The following PMM2 variants were observed in gnomAD, a reference collection of about 807,000 sequenced individuals.
The protein encoded by PMM2 is phosphomannomutase 2.
Under a neutral mutation model 33.2 loss-of-function variants are expected in PMM2, and 35 were observed. The ratio of observed to expected loss-of-function variants is 1.06; its 90% CI spans 0.81 to 1.40. The LOEUF (loss-of-function observed/expected upper bound fraction) is 1.40. Ranked by LOEUF, PMM2 falls within the 40% of genes most tolerant of loss-of-function variation. PMM2 has a pLI of 0.00. For missense variants in PMM2, 386 were observed against 306.0 expected (o/e 1.26, Z -1.95); for synonymous variants, 153 against 114.7 (o/e 1.33, Z -2.13).
intron 7 of PMM2, among the ~76,000 whole-genome samples, chr16:8,841,006 A>C (rs1258246124): frequency 6.6e-6 from 1 of 152,064 alleles, no homozygotes; most frequent in Non-Finnish European, 1.5e-5. Context: ...TCCATATAAA[A>C]GTTCAAATGG....
chr16:8,819,404 CTGAA>C (rs1164247746), intron 7 of PMM2, among the ~76,000 whole-genome samples: 2 of 152,130 alleles, frequency 1.3e-5, no homozygotes, highest in Non-Finnish European at 2.9e-5. Context: ...TAAAAGGAGT[CTGAA>C]TGGATGAAAT....
chr16:8,804,743 G>A (rs1326648225), intron 2 of PMM2, 24 bp from the exon 3 acceptor site: 7 of 1,538,724 alleles, frequency 4.5e-6, no homozygotes, highest in Non-Finnish European at 6.3e-6. Flanking sequence ...TGCATTCTAA[G>A]TGTTTTTTTG....
intron 7 of PMM2, 84 bp downstream of exon 7, chr16:8,813,190 C>T (rs762552986): frequency 2.7e-5 from 25 of 909,880 alleles, no homozygotes; most frequent in Non-Finnish European, 3.9e-5. Context: ...TTTTCCTGTA[C>T]CTACACTTTA....
At chr16:8,839,520 C>T (rs995400772) in intron 7 of PMM2, among the ~76,000 whole-genome samples, 17 of 151,774 alleles carry the variant, frequency 1.1e-4, no homozygotes, top group Non-Finnish European at 1.9e-4. Flanking sequence ...CTATTATTTT[C>T]GGGGCTGGGT....
Position 8,811,180 on chromosome 16 carries a change from T to C in PMM2, c.447+2T>C. The C allele has an allele frequency of 6.5e-7, 1 of 1,536,552 alleles. No homozygotes were observed. The highest frequency in any genetic ancestry group is 8.9e-7 in the Non-Finnish European group (1 of 1,128,074). On this transcript the variant is annotated splice_donor_variant, in intron 5 of 7. Transcript: ENST00000268261. LOFTEE classifies it high-confidence loss of function. ...ATTGAGTTCTACGAACTCGATAAAG[T>C]ACGTCTTTCTGAAATATCTTTGGTG...
intron 1 of PMM2, among the ~76,000 whole-genome samples, chr16:8,798,611 G>A (rs1029391983): frequency 2.2e-4 from 33 of 152,184 alleles, no homozygotes; most frequent in African/African-American, 7.0e-4. Flanking sequence ...AGATGGAGGA[G>A]CCCTAGGTTA....
At chr16:8,814,465 C>T (rs139126977) in intron 7 of PMM2, among the ~76,000 whole-genome samples, 3 of 152,134 alleles carry the variant, frequency 2.0e-5, no homozygotes, top group Non-Finnish European at 4.4e-5. Context: ...CTCTGGTCCA[C>T]TCCAAAATCC....
intron 7 of PMM2, among the ~76,000 whole-genome samples, chr16:8,834,906 G>A (rs1232954964): frequency 1.3e-5 from 2 of 152,114 alleles, no homozygotes; most frequent in Admixed American, 6.5e-5. Context: ...TAATGTGGGA[G>A]GCCAGATTGA....
rs149310522 is a variant in PMM2, at chr16:8,840,360, A to G, written c.640-7364A>G. On this transcript the variant is annotated intron_variant, in intron 7 of 7. Coordinates refer to ENST00000268261, the MANE Select transcript of PMM2 (RefSeq NM_000303.3). ...GGCAGTTTGGGGATAGCACCAAGAG[A>G]TATCAGCTGTGATGGCTTGAAGAAA... 8.1e-3 allele frequency among the ~76,000 whole-genome samples: 1,225 copies of G among 152,124 alleles called. 20 individuals are homozygous for G. The highest frequency in any genetic ancestry group is 0.01 in the Non-Finnish European group (711 of 67,992).
chr16:8,804,186 A>C (rs986644571), intron 2 of PMM2, among the ~76,000 whole-genome samples: 7 of 149,786 alleles, frequency 4.7e-5, no homozygotes, highest in South Asian at 2.1e-4. Flanking sequence ...TTACAGGCGC[A>C]CACCACCATG....
chr16:8,798,534 C>T (rs552938252), intron 1 of PMM2, among the ~76,000 whole-genome samples: 1 of 152,304 alleles, frequency 6.6e-6, no homozygotes, highest in South Asian at 2.1e-4. Flanking sequence ...GGACACAACA[C>T]ACTAGGCCTC....
At chr16:8,836,470 C>G (rs1029683319) in intron 7 of PMM2, among the ~76,000 whole-genome samples, 1 of 151,966 alleles carries the variant, frequency 6.6e-6, no homozygotes, top group Admixed American at 6.6e-5. Context: ...ATTTCCAGCA[C>G]GTGTAGCAAG....
chr16:8,816,422 G>A (rs2060708491), intron 7 of PMM2, among the ~76,000 whole-genome samples: 1 of 151,346 alleles, frequency 6.6e-6, no homozygotes, highest in Admixed American at 6.6e-5. Flanking sequence ...CACCACACTG[G>A]GCCAGGATGG....
intron 7 of PMM2, among the ~76,000 whole-genome samples, chr16:8,813,603 C>T (rs1175569761): frequency 2.0e-5 from 3 of 152,156 alleles, no homozygotes; most frequent in East Asian, 1.9e-4. Flanking sequence ...GCATCACACA[C>T]GGCGGGTGCT....
In PMM2 at chr16:8,846,135, C is replaced by G. The variant is rs548824938; in HGVS notation, c.640-1589C>G. 3.3e-5 allele frequency among the ~76,000 whole-genome samples: 5 copies of G among 152,298 alleles called. No individual in the cohort carries two copies. In the South Asian group the frequency reaches 1.0e-3, roughly 32 times the overall value. The stretch of plus-strand genomic sequence containing the variant: ...CCAAGTTCATGGCCTCCTAACCTGA[C>G]TCCACCCAGCACTCCCTGGGCCCAG... On this transcript the variant is annotated intron_variant, in intron 7 of 7. Coordinates refer to ENST00000268261, the MANE Select transcript of PMM2 (RefSeq NM_000303.3).
intron 1 of PMM2, among the ~76,000 whole-genome samples, chr16:8,800,677 T>TTTTGTTTTG (rs1187157258): frequency 7.4e-5 from 11 of 149,464 alleles, no homozygotes; most frequent in African/African-American, 2.8e-4. Context: ...TTTTTTTTTT[T>TTTTGTTTTG]TTTTGTTTTG....
intron 7 of PMM2, among the ~76,000 whole-genome samples, chr16:8,825,518 G>A (rs575777684): frequency 7.3e-5 from 11 of 151,194 alleles, no homozygotes; most frequent in South Asian, 2.1e-4. Flanking sequence ...ACTGGGTTTC[G>A]CCATGTTGGC....
chr16:8,811,485 G>A (rs940819081), intron 5 of PMM2, among the ~76,000 whole-genome samples, 153 bp from the exon 6 acceptor site: 4 of 152,014 alleles, frequency 2.6e-5, no homozygotes, highest in East Asian at 1.9e-4. Context: ...ATGCCACTGC[G>A]CTCCAGCCTG....
At chr16:8,806,191 C>A in intron 3 of PMM2, 125 bp from the exon 4 acceptor site, 1 of 728,238 alleles carries the variant, frequency 1.4e-6, no homozygotes. Context: ...TGGGGCATGT[C>A]ACCATCACTG....
Sources: gnomAD v4.1 joint callset for allele counts (sites outside exome capture counted in the v4.1 genomes callset) on GRCh38, gnomAD v4.1.1 for gene constraint, MANE v1.5 for transcripts, NCBI Gene and HGNC (gene_info 2026-07-23, HGNC 2026-07-21) for gene names.